The following NDUFS4 variants were observed in gnomAD, a reference collection of about 807,000 sequenced individuals.
The protein encoded by NDUFS4 is NADH dehydrogenase [ubiquinone] iron-sulfur protein 4, mitochondrial.
NDUFS4 carries 28 observed loss-of-function variants against 24.3 expected under a neutral mutation model. The observed-to-expected ratio is 1.15, with a 90% CI of 0.85 to 1.58. NDUFS4 has a LOEUF of 1.58. NDUFS4 is among the 40% of genes most tolerant of loss of function. The pLI, the probability that NDUFS4 is intolerant of heterozygous loss-of-function variation, is 0.00. For synonymous variants in NDUFS4, 93 were observed against 69.7 expected (o/e 1.34, Z -1.67); for missense variants, 223 against 207.9 (o/e 1.07, Z -0.45).
In NDUFS4 at chr5:53,658,593, A is replaced by G. The variant is rs767582833; in HGVS notation, c.393A>G (p.Lys131=). 6.2e-7 allele frequency: 1 copy of G among 1,613,406 alleles called. No homozygotes were observed. The highest frequency in any genetic ancestry group is 1.7e-5 in the Admixed American group (1 of 59,992). Residue 131 remains lysine (K), a synonymous_variant, in exon 4 of 5, where the codon AAA becomes AAG. Coordinates refer to ENST00000296684, the MANE Select transcript of NDUFS4 (RefSeq NM_002495.4). ...LSNMVLTFST[K]EDAVSFAEKN... The stretch of plus-strand genomic sequence containing the variant: ...ACATGGTTCTAACCTTCAGTACTAA[A>G]GAAGATGCAGTTTCCTTTGCAGAAA...
chr5:53,654,211 A>G (rs1014905116), intron 3 of NDUFS4, among the ~76,000 whole-genome samples: 2 of 152,182 alleles, frequency 1.3e-5, no homozygotes, highest in African/African-American at 4.8e-5. Context: ...GGTATTAAGT[A>G]TTAATGTTTT....
chr5:53,666,742 C>T (rs1752525308), intron 4 of NDUFS4, among the ~76,000 whole-genome samples: 1 of 151,908 alleles, frequency 6.6e-6, no homozygotes, highest in South Asian at 2.1e-4. Context: ...TGGAGACCAG[C>T]CTGGCCAACA....
intron 3 of NDUFS4, among the ~76,000 whole-genome samples, chr5:53,647,228 T>C (rs551489190): frequency 6.6e-6 from 1 of 152,110 alleles, no homozygotes; most frequent in East Asian, 1.9e-4. Context: ...ATTATTTTCT[T>C]TAGAGATGTG....
intron 1 of NDUFS4, among the ~76,000 whole-genome samples, chr5:53,572,914 G>C (rs1333421161): frequency 1.3e-5 from 2 of 150,972 alleles, no homozygotes; most frequent in African/African-American, 4.9e-5. Flanking sequence ...AAAGTGCTGG[G>C]ATTAGAGGCG....
At chr5:53,619,596 G>A (rs1750968278) in intron 2 of NDUFS4, among the ~76,000 whole-genome samples, 1 of 151,246 alleles carries the variant, frequency 6.6e-6, no homozygotes, top group Non-Finnish European at 1.5e-5. Context: ...TACATGTTGT[G>A]GAAACATTAA....
At chr5:53,668,113 C>T (rs902492898) in intron 4 of NDUFS4, among the ~76,000 whole-genome samples, 3 of 152,160 alleles carry the variant, frequency 2.0e-5, no homozygotes, top group Admixed American at 6.5e-5. Flanking sequence ...CACATACCTA[C>T]ACAAAAGATG....
chr5:53,589,030 A>G (rs958734753), intron 1 of NDUFS4, among the ~76,000 whole-genome samples: 1 of 152,176 alleles, frequency 6.6e-6, no homozygotes. Context: ...ACACAGTAGC[A>G]TTAGAGCAGT....
At chr5:53,588,577 T>G (rs1161037639) in intron 1 of NDUFS4, among the ~76,000 whole-genome samples, 1 of 152,204 alleles carries the variant, frequency 6.6e-6, no homozygotes, top group Non-Finnish European at 1.5e-5. Context: ...CCAGTTTGTT[T>G]CATGAAGTGA....
intron 4 of NDUFS4, among the ~76,000 whole-genome samples, chr5:53,679,816 T>TA (rs1241873792): frequency 1.3e-5 from 2 of 152,106 alleles, no homozygotes; most frequent in Non-Finnish European, 2.9e-5. Context: ...AGAGAGAACT[T>TA]AGGTTTCTTA....
intron 3 of NDUFS4, among the ~76,000 whole-genome samples, chr5:53,652,935 T>A (rs1265089766): frequency 6.7e-6 from 1 of 150,228 alleles, no homozygotes; most frequent in Non-Finnish European, 1.5e-5. Context: ...TGGTTATTAA[T>A]CTCTTTTTTT....
At chr5:53,631,045 T>C (rs1047766340) in intron 2 of NDUFS4, among the ~76,000 whole-genome samples, 1 of 152,216 alleles carries the variant, frequency 6.6e-6, no homozygotes, top group African/African-American at 2.4e-5. Context: ...TTGATGTTGG[T>C]GACCTATGGA....
At chr5:53,628,746 A>G (rs940099006) in intron 2 of NDUFS4, among the ~76,000 whole-genome samples, 1 of 151,864 alleles carries the variant, frequency 6.6e-6, no homozygotes, top group Non-Finnish European at 1.5e-5. Context: ...TTTTTTATTT[A>G]GTCTATTTGA....
chr5:53,610,755 C>A (rs1366183931), intron 2 of NDUFS4, among the ~76,000 whole-genome samples: 1 of 152,108 alleles, frequency 6.6e-6, no homozygotes, highest in African/African-American at 2.4e-5. Flanking sequence ...TGATTTATTT[C>A]ATATGAGTTC....
At chr5:53,574,093 G>C (rs1749309739) in intron 1 of NDUFS4, among the ~76,000 whole-genome samples, 1 of 152,126 alleles carries the variant, frequency 6.6e-6, no homozygotes, top group Non-Finnish European at 1.5e-5. Flanking sequence ...CAATCACTAG[G>C]TCTTTTATTT....
intron 2 of NDUFS4, 152 bp downstream of exon 2, chr5:53,603,682 T>C: frequency 1.5e-6 from 1 of 647,094 alleles, no homozygotes; most frequent in Non-Finnish European, 2.8e-6. Context: ...ATATTTGTCA[T>C]CAAAAGATAA....
At chr5:53,627,572 A>T (rs1468474957) in intron 2 of NDUFS4, among the ~76,000 whole-genome samples, 1 of 152,042 alleles carries the variant, frequency 6.6e-6, no homozygotes, top group African/African-American at 2.4e-5. Flanking sequence ...AGTGGTTTGT[A>T]GTTCTCCTTG....
chr5:53,577,461 A>G lies in NDUFS4; in HGVS notation c.98+16701A>G, dbSNP rs117837594. ...GTGTCTGTTACAGGACCTTATAACTAAAGAGTCTCTATAGTCTGCTATTTT... is the reference window on the plus strand; with the variant it reads ...GTGTCTGTTACAGGACCTTATAACTGAAGAGTCTCTATAGTCTGCTATTTT... On this transcript the variant is annotated intron_variant, in intron 1 of 4. Coordinates refer to ENST00000296684, the MANE Select transcript of NDUFS4 (RefSeq NM_002495.4). Among the ~76,000 whole-genome samples the G allele has an allele frequency of 1.3e-4, 18 of 141,210 alleles. 1 individual carries two copies. In the East Asian group the frequency reaches 3.8e-3, roughly 30 times the overall value. 92.6% of individuals were successfully genotyped at this position (141,210 alleles called of 152,430 possible). A position where few individuals can be genotyped will look rare whatever the true frequency, so the allele number is the denominator to read the frequency against.
chr5:53,640,496 G>T (rs1247043204), intron 2 of NDUFS4, among the ~76,000 whole-genome samples: 2 of 152,108 alleles, frequency 1.3e-5, no homozygotes, highest in African/African-American at 2.4e-5. Context: ...AGGCCTTCAG[G>T]CTGATTCTAC....
intron 4 of NDUFS4, among the ~76,000 whole-genome samples, chr5:53,667,692 T>A (rs1222735404): frequency 5.4e-5 from 8 of 147,908 alleles, no homozygotes; most frequent in Non-Finnish European, 1.2e-4. Context: ...TTAAGGCATT[T>A]AAAAAAAAAA....
Sources: gnomAD v4.1 joint callset for allele counts (sites outside exome capture counted in the v4.1 genomes callset) on GRCh38, gnomAD v4.1.1 for gene constraint, MANE v1.5 for transcripts, NCBI Gene and HGNC (gene_info 2026-07-23, HGNC 2026-07-21) for gene names.